RBPMS: variants seen among roughly 807,000 people sequenced by gnomAD.
RBPMS encodes RNA-binding protein with multiple splicing.
In RBPMS, 7 loss-of-function variants were observed where a neutral mutation model predicts 26.8. The observed-to-expected ratio is 0.26, with a 90% CI of 0.15 to 0.49. RBPMS has a LOEUF of 0.49. Among genes scored for constraint, RBPMS ranks in the 20% least tolerant of loss-of-function variants. RBPMS has a pLI of 0.98. For missense variants in RBPMS, 186 were observed against 250.0 expected (o/e 0.74, Z 1.73); for synonymous variants, 96 against 93.3 (o/e 1.03, Z -0.17).
In RBPMS at chr8:30,423,567, G is replaced by A. The variant is rs148483064; in HGVS notation, c.66+38409G>A. Among the ~76,000 whole-genome samples the A allele has an allele frequency of 1.5e-3, 228 of 149,318 alleles. 1 individual carries two copies. The highest frequency in any genetic ancestry group is 2.8e-3 in the Non-Finnish European group (189 of 67,584). On this transcript the variant is annotated intron_variant, in intron 1 of 8. Coordinates refer to ENST00000397323, the MANE Select transcript of RBPMS (RefSeq NM_001008710.3). Reference sequence around the variant, plus strand: ...CCACTTCCCATCCATTTCTTCTTTCGTCTCTCTTTTAGTTATTTATTTCTG... The same window carrying A: ...CCACTTCCCATCCATTTCTTCTTTCATCTCTCTTTTAGTTATTTATTTCTG...
intron 7 of RBPMS, chr8:30,565,402 A>G (rs1207193508): frequency 1.3e-5 from 2 of 152,208 alleles, no homozygotes; most frequent in Non-Finnish European, 2.9e-5. Context: ...TATGCACTCC[A>G]GTTCTCATAA....
chr8:30,442,444 G>C (rs1343236593), intron 1 of RBPMS, among the ~76,000 whole-genome samples: 3 of 151,972 alleles, frequency 2.0e-5, no homozygotes, highest in Non-Finnish European at 2.9e-5. Flanking sequence ...CACCCTCACC[G>C]TGGCAACTCC....
intron 5 of RBPMS, among the ~76,000 whole-genome samples, chr8:30,528,175 CAAAA>C (rs371646274): frequency 8.1e-6 from 1 of 123,896 alleles, no homozygotes. Context: ...AACTTTATTC[CAAAA>C]AAAAAAAAAA....
intron 1 of RBPMS, among the ~76,000 whole-genome samples, chr8:30,436,852 A>C (rs1017006358): frequency 6.6e-6 from 1 of 152,048 alleles, no homozygotes; most frequent in African/African-American, 2.4e-5. Context: ...GCACGTAATA[A>C]ATATTTCCTG....
In RBPMS at chr8:30,551,720, C is replaced by A. The variant is rs4733499; in HGVS notation, c.528+7096C>A. Among the ~76,000 whole-genome samples, 7 of 152,094 alleles carry A rather than the reference C, an allele frequency of 4.6e-5. No homozygotes were observed. In the South Asian group the frequency reaches 8.3e-4, roughly 18 times the overall value. On this transcript the variant is annotated intron_variant, in intron 6 of 8. Transcript: ENST00000397323. ...AACCGCGTGGCCCAACTGTCACAGT[C>A]GGGTGCTGCTGAGCGCCTGGCACCT... is the stretch of plus-strand genomic sequence containing the variant.
chr8:30,486,801 C>G (rs77135033), intron 4 of RBPMS, among the ~76,000 whole-genome samples: 4,335 of 152,270 alleles, frequency 0.028, 234 homozygotes, highest in African/African-American at 0.099. Flanking sequence ...ATCTCAACTT[C>G]ACCCAGCTCT....
chr8:30,455,973 G>A (rs568759103), intron 1 of RBPMS, among the ~76,000 whole-genome samples: 2 of 152,326 alleles, frequency 1.3e-5, no homozygotes, highest in African/African-American at 4.8e-5. Context: ...TGAGCCAGTA[G>A]AACCCAGGGA....
At chr8:30,461,846 G>A (rs1455301167) in intron 1 of RBPMS, among the ~76,000 whole-genome samples, 1 of 152,198 alleles carries the variant, frequency 6.6e-6, no homozygotes, top group African/African-American at 2.4e-5. Flanking sequence ...TATTATATGT[G>A]TGTGTTCATG....
intron 7 of RBPMS, among the ~76,000 whole-genome samples, chr8:30,560,286 G>A (rs753484740): frequency 5.3e-5 from 8 of 152,162 alleles, no homozygotes; most frequent in Non-Finnish European, 1.0e-4. Flanking sequence ...GCAGGAGGCC[G>A]GCCCTTTTGG....
At chr8:30,490,962 C>A (rs551666048) in intron 4 of RBPMS, among the ~76,000 whole-genome samples, 64 of 152,274 alleles carry the variant, frequency 4.2e-4, no homozygotes, top group African/African-American at 1.4e-3. Flanking sequence ...ACATTCTTTT[C>A]AACTAACTTG....
chr8:30,570,217 T>C (rs1381039466), intron 8 of RBPMS, among the ~76,000 whole-genome samples: 1 of 152,228 alleles, frequency 6.6e-6, no homozygotes, highest in African/African-American at 2.4e-5. Flanking sequence ...TCAATAATTA[T>C]CTGTTTATGG....
At chr8:30,459,026 C>T (rs964142783) in intron 1 of RBPMS, among the ~76,000 whole-genome samples, 5 of 150,020 alleles carry the variant, frequency 3.3e-5, no homozygotes, top group African/African-American at 1.2e-4. Flanking sequence ...TGCAGTGGCA[C>T]GATCTCCGCT....
intron 1 of RBPMS, among the ~76,000 whole-genome samples, chr8:30,452,554 AC>A (rs1300549726): frequency 6.6e-6 from 1 of 152,212 alleles, no homozygotes. Context: ...TCTTAAAAAT[AC>A]TGCTAGTGAG....
At chr8:30,450,787 C>CAAAAAAG (rs1814480957) in intron 1 of RBPMS, among the ~76,000 whole-genome samples, 1 of 87,384 alleles carries the variant, frequency 1.1e-5, no homozygotes, top group African/African-American at 4.4e-5. Context: ...TGCCTGAAAG[C>CAAAAAAG]AAAAAAAAAA....
chr8:30,421,673 C>CT (rs1298670484), intron 1 of RBPMS, among the ~76,000 whole-genome samples: 1 of 152,134 alleles, frequency 6.6e-6, no homozygotes, highest in East Asian at 1.9e-4. Context: ...GGCTGTTTTA[C>CT]TGGCCGGGCA....
chr8:30,565,026 C>T (rs1272505849), intron 7 of RBPMS: 1 of 152,256 alleles, frequency 6.6e-6, no homozygotes, highest in Non-Finnish European at 1.5e-5. Context: ...TGGCCTGGCT[C>T]TGCAGCTCTG....
At chr8:30,511,469 A>T (rs1474441668) in intron 5 of RBPMS, among the ~76,000 whole-genome samples, 1 of 17,850 alleles carries the variant, frequency 5.6e-5, no homozygotes, top group Non-Finnish European at 1.1e-4. Flanking sequence ...AAAACAAAAA[A>T]AGAAAAAAAA....
At chr8:30,568,553 G>A (rs1424358473) in intron 8 of RBPMS, among the ~76,000 whole-genome samples, 2 of 152,182 alleles carry the variant, frequency 1.3e-5, no homozygotes, top group Non-Finnish European at 2.9e-5. Context: ...AACTGGGACT[G>A]TTCCCACTTA....
At chr8:30,473,742 C>T (rs1396793069) in intron 1 of RBPMS, among the ~76,000 whole-genome samples, 7 of 152,104 alleles carry the variant, frequency 4.6e-5, no homozygotes, top group African/African-American at 7.2e-5. Context: ...GGTACATATA[C>T]ACCATGGAAT....
Sources: gnomAD v4.1 joint callset for allele counts (sites outside exome capture counted in the v4.1 genomes callset) on GRCh38, gnomAD v4.1.1 for gene constraint, MANE v1.5 for transcripts, NCBI Gene and HGNC (gene_info 2026-07-23, HGNC 2026-07-21) for gene names.